Variants in USP53 observed in about 807,000 individuals in gnomAD.
USP53 encodes the protein ubiquitin specific peptidase 53, also known as ubiquitin carboxyl-terminal hydrolase 53.
In USP53, 71 loss-of-function variants were observed where a neutral mutation model predicts 94.9. The ratio of observed to expected loss-of-function variants is 0.75; its 90% CI spans 0.62 to 0.91. USP53 has a LOEUF of 0.91. Among genes scored for constraint, USP53 ranks in the 40% least tolerant of loss-of-function variants. USP53 has a pLI of 0.00. For missense variants in USP53, 1,173 were observed against 1,281.0 expected (o/e 0.92, Z 1.29); for synonymous variants, 375 against 422.7 (o/e 0.89, Z 1.39).
At chr4:119,231,342 A>G (rs1359869447) in intron 3 of USP53, among the ~76,000 whole-genome samples, 2 of 152,210 alleles carry the variant, frequency 1.3e-5, no homozygotes, top group Admixed American at 6.5e-5. Flanking sequence ...TTTCTGGAGT[A>G]TAGATTCTCA....
At chr4:119,221,519 C>T (rs1696680990) in intron 3 of USP53, 2 of 151,854 alleles carry the variant, frequency 1.3e-5, no homozygotes, top group African/African-American at 2.4e-5. Flanking sequence ...CTTAAGGAGC[C>T]ACCAGGGGAA....
intron 4 of USP53, among the ~76,000 whole-genome samples, chr4:119,236,152 G>A (rs918693978): frequency 3.9e-5 from 6 of 152,178 alleles, no homozygotes; most frequent in African/African-American, 1.4e-4. Context: ...AATAAAGCAA[G>A]TTGCAGGAAT....
intron 3 of USP53, among the ~76,000 whole-genome samples, chr4:119,229,540 G>C (rs1053543095): frequency 2.6e-5 from 4 of 152,120 alleles, no homozygotes; most frequent in African/African-American, 9.7e-5. Flanking sequence ...TACTATTTGA[G>C]TTGGTATAAC....
Position 119,283,675 on chromosome 4 carries a change from A to AT in USP53, c.2252-7489dup, listed in dbSNP as rs1049892039. ...ATGAGAGAAAGGGAAGCAGGGATAG[A>AT]TGTATTTGGGATGTATACAACTAGA... On this transcript the variant is annotated intron_variant, in intron 17 of 18. Transcript: ENST00000692078. Among the ~76,000 whole-genome samples, 10 of 152,012 alleles carry AT rather than the reference A, an allele frequency of 6.6e-5. No homozygotes were observed. In the East Asian group the frequency reaches 1.9e-3, roughly 29 times the overall value.
At chr4:119,253,537 A>AT (rs373624696) in intron 7 of USP53, among the ~76,000 whole-genome samples, 2 of 151,040 alleles carry the variant, frequency 1.3e-5, no homozygotes, top group African/African-American at 4.8e-5. Context: ...CCAGGATTGC[A>AT]ACCCCTGCTT....
At position 119,239,919 on chromosome 4, in the gene USP53, C is replaced by T. The variant is rs765356203; in HGVS notation, c.144+16C>T. ...CGCTGTACAGGTGAGACCATAATTA[C>T]TTATTACATTAAAAAAAATACTTTT... On this transcript the variant is annotated intron_variant, in intron 5 of 18. Transcript: ENST00000692078. The T allele has an allele frequency of 2.1e-6, 3 of 1,417,134 alleles. No homozygotes were observed. Among genetic ancestry groups the T allele is most frequent in the Non-Finnish European group, 2.8e-6 (3 of 1,076,602 alleles). The allele number at this position is 1,417,134 out of a possible 1,614,324, so 87.8% of individuals were successfully genotyped here. A position where few individuals can be genotyped will look rare whatever the true frequency, so the allele number is the denominator to read the frequency against.
chr4:119,242,484 G>C (rs1233296094), intron 5 of USP53, among the ~76,000 whole-genome samples: 2 of 152,248 alleles, frequency 1.3e-5, no homozygotes, highest in East Asian at 3.9e-4. Flanking sequence ...GGGCCTGTGA[G>C]CTCTGGGCAC....
In USP53 at chr4:119,239,637, T is replaced by C; in HGVS notation, c.-123T>C. 1 of 1,177,362 alleles carries C rather than the reference T, an allele frequency of 8.5e-7. No individual in the cohort carries two copies. Among genetic ancestry groups the C allele is most frequent in the Non-Finnish European group, 1.2e-6 (1 of 863,212 alleles). 72.9% of individuals were successfully genotyped at this position (1,177,362 alleles called of 1,614,324 possible). ...TCAGGAAAGATATGGACTTGGAAAC[T>C]TACATTATTAAAATAGACTGCAGTG... is the stretch of plus-strand genomic sequence containing the variant. On this transcript the variant is annotated 5_prime_UTR_variant, in exon 5 of 19. Coordinates refer to ENST00000692078, the MANE Select transcript of USP53 (RefSeq NM_001371395.1).
rs199802705 is a variant in USP53, at chr4:119,261,721, T to A, written c.829T>A (p.Tyr277Asn). The change falls in exon 12 of 19, where the codon TAT becomes AAT. Residue 277 changes from tyrosine to asparagine, a missense_variant. Tyr to Asn is a moderately radical substitution (Grantham distance 143). Transcript: ENST00000692078. ...TACCAATTTTTTTAAACAGCTTTTT[T>A]ATAGAGTTACTGATGAAAATGCCAA... Reference protein sequence around the residue: ...ATHLYLPGLFYRVTDENAKNS... With the variant: ...ATHLYLPGLFNRVTDENAKNS... 4.3e-5 allele frequency: 68 copies of A among 1,569,924 alleles called. No individual in the cohort carries two copies. The highest frequency in any genetic ancestry group is 4.2e-5 in the Non-Finnish European group (48 of 1,149,418).
At chr4:119,257,673 T>C (rs1354611966) in intron 9 of USP53, among the ~76,000 whole-genome samples, 1 of 152,226 alleles carries the variant, frequency 6.6e-6, no homozygotes, top group African/African-American at 2.4e-5. Flanking sequence ...TAAAATGTTA[T>C]TTCATAAAGA....
intron 3 of USP53, among the ~76,000 whole-genome samples, chr4:119,230,952 A>T (rs1745981709): frequency 6.6e-6 from 1 of 152,140 alleles, no homozygotes; most frequent in South Asian, 2.1e-4. Flanking sequence ...ACTGTGACTG[A>T]AAGGTGGTCA....
At position 119,255,698 on chromosome 4, in the gene USP53, T is replaced by C. The variant is rs752014717; in HGVS notation, c.373-548T>C. On this transcript the variant is annotated intron_variant, in intron 7 of 18. Coordinates refer to ENST00000692078, the MANE Select transcript of USP53 (RefSeq NM_001371395.1). ...GAAAGGGAAATCCCCTGACCCCTTG[T>C]GCTTCCTGGGTGAGGTGATGTCCTG... Among the ~76,000 whole-genome samples, 26 of 152,184 alleles carry C rather than the reference T, an allele frequency of 1.7e-4. 1 individual carries two copies. Among genetic ancestry groups the C allele is most frequent in the Non-Finnish European group, 2.8e-4 (19 of 68,040 alleles).
At chr4:119,250,491 C>G (rs1007133345) in intron 7 of USP53, among the ~76,000 whole-genome samples, 2 of 152,182 alleles carry the variant, frequency 1.3e-5, no homozygotes, top group African/African-American at 4.8e-5. Flanking sequence ...ATGGCACACA[C>G]AGTAATGAAA....
intron 16 of USP53, chr4:119,272,791 T>A (rs1231094075): frequency 6.6e-6 from 1 of 152,212 alleles, no homozygotes; most frequent in Non-Finnish European, 1.5e-5. Flanking sequence ...ACTGTCACAC[T>A]CATTCTCATG....
At chr4:119,218,368 G>A (rs762792111) in intron 3 of USP53, 1 of 152,120 alleles carries the variant, frequency 6.6e-6, no homozygotes, top group Non-Finnish European at 1.5e-5. Flanking sequence ...TAATGACCAT[G>A]TCCTATATTC....
chr4:119,223,940 T>G (rs1342526482), intron 3 of USP53, among the ~76,000 whole-genome samples: 2 of 152,218 alleles, frequency 1.3e-5, no homozygotes, highest in Non-Finnish European at 2.9e-5. Context: ...ACAGTCTAAG[T>G]ACCTATATCT....
At chr4:119,236,276 A>G (rs1746736317) in intron 4 of USP53, among the ~76,000 whole-genome samples, 1 of 152,226 alleles carries the variant, frequency 6.6e-6, no homozygotes, top group South Asian at 2.1e-4. Flanking sequence ...TTTAAAAACT[A>G]TTGTTAGAAA....
chr4:119,237,016 C>T (rs1746855406), intron 4 of USP53, among the ~76,000 whole-genome samples: 3 of 152,280 alleles, frequency 2.0e-5, no homozygotes, highest in African/African-American at 7.2e-5. Flanking sequence ...GTCAAAATTA[C>T]TCCTTGATTC....
At chr4:119,232,751 T>G (rs1311153416) in intron 3 of USP53, among the ~76,000 whole-genome samples, 1 of 152,196 alleles carries the variant, frequency 6.6e-6, no homozygotes, top group Admixed American at 6.5e-5. Context: ...TTATTTATAA[T>G]TTTTGTACCT....
Sources: gnomAD v4.1 joint callset for allele counts (sites outside exome capture counted in the v4.1 genomes callset) on GRCh38, gnomAD v4.1.1 for gene constraint, MANE v1.5 for transcripts, NCBI Gene and HGNC (gene_info 2026-07-23, HGNC 2026-07-21) for gene names.